STAT1: variants seen among roughly 807,000 people sequenced by gnomAD.
STAT1 encodes the protein signal transducer and activator of transcription 1, also known as signal transducer and activator of transcription 1-alpha/beta.
In STAT1, 24 loss-of-function variants were observed where a neutral mutation model predicts 111.7. The ratio of observed to expected loss-of-function variants is 0.21; its 90% CI spans 0.16 to 0.30. The LOEUF is 0.30. Among genes scored for constraint, STAT1 ranks in the 10% least tolerant of loss-of-function variants. The pLI is 1.00. For synonymous variants in STAT1, 332 were observed against 326.5 expected, an observed-to-expected ratio of 1.02 and a Z score of -0.18; for missense variants, 351 against 911.9, an observed-to-expected ratio of 0.38 and a Z score of 7.92.
rs537370397 is a variant in STAT1 at position 190,987,893 on chromosome 2, A to G, written c.1098-825T>C. 6.6e-6 allele frequency among the ~76,000 whole-genome samples: 1 copy of G among 152,320 alleles called. No homozygotes were observed. The highest frequency in any genetic ancestry group is 6.5e-5 in the Admixed American group (1 of 15,304). ...TGGAAAAAAAAAGAATTTAAAATAA[A>G]AGGGATAGTATGATAAAAGCTGACT... On this transcript the variant is annotated intron_variant, in intron 12 of 24. Transcript: ENST00000361099. The surrounding 1 kb of genome is among the most constrained non-coding windows in gnomAD (Gnocchi z 4.0).
chr2:190,990,141 G>C lies in STAT1; in HGVS notation c.1038-467C>G, dbSNP rs999243125. 3.3e-5 allele frequency among the ~76,000 whole-genome samples: 5 copies of C among 152,202 alleles called. No individual in the cohort carries two copies. The highest frequency in any genetic ancestry group is 7.3e-5 in the Non-Finnish European group (5 of 68,044). On this transcript the variant is annotated intron_variant, in intron 11 of 24. Transcript: ENST00000361099. This position sits in a 1 kb window ranked among gnomAD's most constrained non-coding sequence, Gnocchi z 5.1. ...TAGCGTCCCATCTATAGTCACCCCA[G>C]GGTAGCATGGAAAGATGGAGGGCAG... is the stretch of plus-strand genomic sequence containing the variant.
At position 191,007,799 on chromosome 2, in the gene STAT1, T is replaced by C; in HGVS notation, c.274-138A>G. On this transcript the variant is annotated intron_variant, in intron 4 of 24. Coordinates refer to ENST00000361099, the MANE Select transcript of STAT1 (RefSeq NM_007315.4). The surrounding 1 kb of genome is among the most constrained non-coding windows in gnomAD (Gnocchi z 4.2). Reference sequence around the variant, plus strand: ...TCTATTAAATTCTATATAAGCTATGTTTGTTAAAATCAAAATATTTCTTTC... The same window carrying C: ...TCTATTAAATTCTATATAAGCTATGCTTGTTAAAATCAAAATATTTCTTTC... The C allele has an allele frequency of 1.4e-6, 1 of 699,522 alleles. No homozygotes were observed. The highest frequency in any genetic ancestry group is 2.4e-6 in the Non-Finnish European group (1 of 410,050). 43.3% of individuals were successfully genotyped at this position (699,522 alleles called of 1,614,324 possible). A position where few individuals can be genotyped will look rare whatever the true frequency, so the allele number is the denominator to read the frequency against.
intron 15 of STAT1, among the ~76,000 whole-genome samples, chr2:190,985,266 T>G (rs923310202): frequency 2.0e-5 from 3 of 152,198 alleles, no homozygotes; most frequent in Non-Finnish European, 4.4e-5. Flanking sequence ...CAAAGTGGCC[T>G]CTCGTTCCAA....
intron 4 of STAT1, among the ~76,000 whole-genome samples, chr2:191,008,676 A>G (rs774419325): frequency 2.4e-4 from 36 of 152,178 alleles, no homozygotes; most frequent in Non-Finnish European, 4.6e-4. Context: ...AAATATTGAC[A>G]ATTTTTAGTA....
At position 190,980,676 on chromosome 2, in the gene STAT1, A is replaced by G; in HGVS notation, c.1583-7T>C. 1 of 1,614,216 alleles carries G rather than the reference A, an allele frequency of 6.2e-7. No homozygotes were observed. Among genetic ancestry groups the G allele is most frequent in the Non-Finnish European group, 8.5e-7 (1 of 1,180,012 alleles). On this transcript the variant is annotated splice_polypyrimidine_tract_variant and splice_region_variant and intron_variant, in intron 18 of 24. Coordinates refer to ENST00000361099, the MANE Select transcript of STAT1 (RefSeq NM_007315.4). This position sits in a 1 kb window ranked among gnomAD's most constrained non-coding sequence, Gnocchi z 6.1. ...TCGGGGCTGGCGTTAGGACCTAAACAAATAAAAACCAGATTTTTCAGCAAA... is the reference window on the plus strand; with the variant it reads ...TCGGGGCTGGCGTTAGGACCTAAACGAATAAAAACCAGATTTTTCAGCAAA...
rs1694535222 is a variant in STAT1 at position 191,004,542 on chromosome 2, G to A, written c.372+3021C>T. 6.6e-6 allele frequency among the ~76,000 whole-genome samples: 1 copy of A among 152,188 alleles called. No individual in the cohort carries two copies. The highest frequency in any genetic ancestry group is 2.4e-5 in the African/African-American group (1 of 41,452). The stretch of plus-strand genomic sequence containing the variant: ...CCCACAGATTAGAAAACTGAAAAGT[G>A]ACTTCTCCAGTGAACTAGTTTTAGA... On this transcript the variant is annotated intron_variant, in intron 5 of 24. Transcript: ENST00000361099. The surrounding 1 kb of genome is among the most constrained non-coding windows in gnomAD (Gnocchi z 5.0).
Position 190,997,360 on chromosome 2 carries a change from C to G in STAT1, c.785+496G>C, listed in dbSNP as rs888344921. ...ACACGAATTATTACCATGTCTACAT[C>G]CCCCCCTCCACACTGAGAACTCCTT... On this transcript the variant is annotated intron_variant, in intron 9 of 24. Coordinates refer to ENST00000361099, the MANE Select transcript of STAT1 (RefSeq NM_007315.4). The surrounding 1 kb of genome is among the most constrained non-coding windows in gnomAD (Gnocchi z 7.3). Among the ~76,000 whole-genome samples, 1 of 152,166 alleles carries G rather than the reference C, an allele frequency of 6.6e-6. No individual in the cohort carries two copies. The highest frequency in any genetic ancestry group is 1.5e-5 in the Non-Finnish European group (1 of 68,030).
In STAT1 at chr2:190,983,371, A is replaced by G. The variant is rs1692532941; in HGVS notation, c.1446+271T>C. On this transcript the variant is annotated intron_variant, in intron 17 of 24. Coordinates refer to ENST00000361099, the MANE Select transcript of STAT1 (RefSeq NM_007315.4). This position sits in a 1 kb window ranked among gnomAD's most constrained non-coding sequence, Gnocchi z 5.7. ...TAAGAATGGAGCATGCTTGTTTAGT[A>G]GATGTATACATTTTAAAAATAATAA... Among the ~76,000 whole-genome samples the G allele has an allele frequency of 6.6e-6, 1 of 152,266 alleles. No individual in the cohort carries two copies. The highest frequency in any genetic ancestry group is 1.5e-5 in the Non-Finnish European group (1 of 68,042).
chr2:191,009,847 T>A (rs1694992920), intron 3 of STAT1, 29 bp downstream of exon 3: 5 of 1,612,866 alleles, frequency 3.1e-6, no homozygotes, highest in Middle Eastern at 1.6e-4. Context: ...GGTGTAAACT[T>A]CTTCTTCTGT....
At position 191,009,189 on chromosome 2, in the gene STAT1, T is replaced by C. The variant is rs1476426904; in HGVS notation, c.129-82A>G. ...GACAAAACAAATGTTGGTTTCCTTATTGAAATTATTAAAAATAATTTAAGT... is the reference window on the plus strand; with the variant it reads ...GACAAAACAAATGTTGGTTTCCTTACTGAAATTATTAAAAATAATTTAAGT... On this transcript the variant is annotated intron_variant, in intron 3 of 24. Coordinates refer to ENST00000361099, the MANE Select transcript of STAT1 (RefSeq NM_007315.4). 11 of 1,471,424 alleles carry C rather than the reference T, an allele frequency of 7.5e-6. No individual in the cohort carries two copies. In the East Asian group the frequency reaches 9.6e-5, roughly 13 times the overall value. The allele number at this position is 1,471,424 out of a possible 1,614,324, so 91.1% of individuals were successfully genotyped here. A position where few individuals can be genotyped will look rare whatever the true frequency, so the allele number is the denominator to read the frequency against.
intron 3 of STAT1, 116 bp downstream of exon 3, chr2:191,009,760 T>C (rs988680891): frequency 7.1e-6 from 10 of 1,399,208 alleles, no homozygotes; most frequent in Middle Eastern, 3.7e-4. Context: ...CTACAACAAA[T>C]AATTCCAGTG....
chr2:190,988,511 T>C (rs1004472382), intron 12 of STAT1, among the ~76,000 whole-genome samples: 2 of 152,230 alleles, frequency 1.3e-5, no homozygotes, highest in African/African-American at 4.8e-5. Flanking sequence ...CCCAAGTAGC[T>C]GTGATTACCG....
At chr2:191,010,582 C>T (rs1215280617) in intron 2 of STAT1, 1 of 204,894 alleles carries the variant, frequency 4.9e-6, no homozygotes, top group Non-Finnish European at 1.0e-5. Context: ...CAAGACTCTC[C>T]CAAAATTGCT....
chr2:190,992,763 G>A, intron 10 of STAT1: 1 of 728,312 alleles, frequency 1.4e-6, no homozygotes, highest in Non-Finnish European at 2.0e-6. Context: ...CATCATCATG[G>A]AACACAGTTC....
rs1691887044 is a variant in STAT1 at position 190,976,076 on chromosome 2, A to G, written c.2060-189T>C. Among the ~76,000 whole-genome samples, 2 of 152,226 alleles carry G rather than the reference A, an allele frequency of 1.3e-5. No homozygotes were observed. The highest frequency in any genetic ancestry group is 1.3e-4 in the Admixed American group (2 of 15,290). On this transcript the variant is annotated intron_variant, in intron 22 of 24. Transcript: ENST00000361099. This position sits in a 1 kb window ranked among gnomAD's most constrained non-coding sequence, Gnocchi z 6.0. ...GTGGGAATGCAGAAACAACGAGAAG[A>G]AGGATCTGAATTCAGTCTGGAAATA...
chr2:190,986,722 A>T lies in STAT1; in HGVS notation c.1221+132T>A. 1 of 855,102 alleles carries T rather than the reference A, an allele frequency of 1.2e-6. No homozygotes were observed. The highest frequency in any genetic ancestry group is 2.0e-6 in the Non-Finnish European group (1 of 505,068). 53.0% of individuals were successfully genotyped at this position (855,102 alleles called of 1,614,324 possible). A position where few individuals can be genotyped will look rare whatever the true frequency, so the allele number is the denominator to read the frequency against. ...TGCCCCAAGTACTGGCGACAGGAAG[A>T]CACCAGCCACAAAGTCTACAAACCC... On this transcript the variant is annotated intron_variant, in intron 14 of 24. Transcript: ENST00000361099. This position sits in a 1 kb window ranked among gnomAD's most constrained non-coding sequence, Gnocchi z 5.0.
chr2:190,995,344 A>AT lies in STAT1; in HGVS notation c.786-126dup. On this transcript the variant is annotated intron_variant, in intron 9 of 24. Transcript: ENST00000361099. This position sits in a 1 kb window ranked among gnomAD's most constrained non-coding sequence, Gnocchi z 4.2. The stretch of plus-strand genomic sequence containing the variant: ...ATAAAGACATACTCGAGACTGGAGA[A>AT]TTTATAAAGGAAAGAGGTTTAATTG... 2 of 1,009,104 alleles carry AT rather than the reference A, an allele frequency of 2.0e-6. No individual in the cohort carries two copies. The highest frequency in any genetic ancestry group is 3.1e-6 in the Non-Finnish European group (2 of 651,334). 62.5% of individuals were successfully genotyped at this position (1,009,104 alleles called of 1,614,324 possible).
Position 190,970,542 on chromosome 2 carries a change from G to C in STAT1, c.*161C>G. ...GCCCTTCAGAGTAACTGATGTTTCTGAGTTAGAGAAAAATTCACTTGCTAT... is the reference window on the plus strand; with the variant it reads ...GCCCTTCAGAGTAACTGATGTTTCTCAGTTAGAGAAAAATTCACTTGCTAT... On this transcript the variant is annotated 3_prime_UTR_variant, in exon 25 of 25. Transcript: ENST00000361099. This position sits in a 1 kb window ranked among gnomAD's most constrained non-coding sequence, Gnocchi z 5.4. The C allele has an allele frequency of 1.3e-6, 1 of 762,058 alleles. No homozygotes were observed. Among genetic ancestry groups the C allele is most frequent in the Non-Finnish European group, 2.3e-6 (1 of 435,912 alleles). The allele number at this position is 762,058 out of a possible 1,614,324, so 47.2% of individuals were successfully genotyped here. A position where few individuals can be genotyped will look rare whatever the true frequency, so the allele number is the denominator to read the frequency against.
At position 190,975,707 on chromosome 2, in the gene STAT1, G is replaced by A; in HGVS notation, c.2135+105C>T. On this transcript the variant is annotated intron_variant, in intron 23 of 24. Transcript: ENST00000361099. This position sits in a 1 kb window ranked among gnomAD's most constrained non-coding sequence, Gnocchi z 5.9. ...AACAAGTTCAGCTGTGATGGCGATAGCAATTACAATGGAAAAGTAAAATAC... is the reference window on the plus strand; with the variant it reads ...AACAAGTTCAGCTGTGATGGCGATAACAATTACAATGGAAAAGTAAAATAC... The A allele has an allele frequency of 6.4e-7, 1 of 1,558,584 alleles. No individual in the cohort carries two copies. The highest frequency in any genetic ancestry group is 8.7e-7 in the Non-Finnish European group (1 of 1,152,376).
Sources: allele counts gnomAD v4.1 joint callset (sites outside exome capture counted in the v4.1 genomes callset), GRCh38; gene constraint gnomAD v4.1.1; non-coding constraint Gnocchi (gnomAD v3.1); transcripts MANE v1.5; gene names NCBI Gene and HGNC (gene_info 2026-07-23, HGNC 2026-07-21).